CNOT2: variants seen among roughly 807,000 people sequenced by gnomAD.
CNOT2 encodes the protein CC chemokine receptor 4-negative regulator of transcription 2.
In CNOT2, 7 loss-of-function variants were observed where a neutral mutation model predicts 72.1. The observed-to-expected ratio is 0.10, with a 90% confidence interval of 0.06 to 0.18. The LOEUF is 0.18. Among genes scored for constraint, CNOT2 ranks in the 10% least tolerant of loss-of-function variants. The pLI is 1.00. For missense variants in CNOT2, 345 were observed against 660.3 expected, an observed-to-expected ratio of 0.52 and a Z score of 5.23; for synonymous variants, 196 against 225.6, an observed-to-expected ratio of 0.87 and a Z score of 1.17.
chr12:70,309,221 C>T (rs1467892969), intron 2 of CNOT2, among the ~76,000 whole-genome samples: 1 of 151,780 alleles, frequency 6.6e-6, no homozygotes, highest in Non-Finnish European at 1.5e-5. Context: ...GTCTGTTTCC[C>T]AAAAAAAGAT....
chr12:70,298,535 G>A (rs376900098), intron 2 of CNOT2, among the ~76,000 whole-genome samples: 14 of 152,140 alleles, frequency 9.2e-5, no homozygotes, highest in African/African-American at 2.2e-4. Flanking sequence ...ACTTTCTAGC[G>A]TTATCTTGAT....
intron 9 of CNOT2, chr12:70,338,102 T>C (rs1880944779): frequency 9.5e-6 from 2 of 211,212 alleles, no homozygotes; most frequent in Admixed American, 1.1e-4. Context: ...AGTTTCTCTT[T>C]TACATGAAAG....
chr12:70,287,169 T>A (rs1436070568), intron 2 of CNOT2, among the ~76,000 whole-genome samples: 1 of 151,394 alleles, frequency 6.6e-6, no homozygotes, highest in African/African-American at 2.4e-5. Context: ...TTTATAGATA[T>A]ACTTTATCAG....
At position 70,354,120 on chromosome 12, in the gene CNOT2, T is replaced by C; in HGVS notation, c.*205T>C. On this transcript the variant is annotated 3_prime_UTR_variant, in exon 16 of 16. Transcript: ENST00000229195. ...GCTGCCCAACAACTAAATTTGTAAT[T>C]TGTTTTTCTCTAGTTTGAGCAGGGT... 1 of 1,011,060 alleles carries C rather than the reference T, an allele frequency of 9.9e-7. No individual in the cohort carries two copies. Among genetic ancestry groups the C allele is most frequent in the Non-Finnish European group, 1.3e-6 (1 of 760,832 alleles). The allele number at this position is 1,011,060 out of a possible 1,614,324, so 62.6% of individuals were successfully genotyped here. A position where few individuals can be genotyped will look rare whatever the true frequency, so the allele number is the denominator to read the frequency against.
intron 4 of CNOT2, among the ~76,000 whole-genome samples, chr12:70,328,757 C>T (rs564997614): frequency 1.3e-5 from 2 of 150,848 alleles, no homozygotes; most frequent in African/African-American, 4.8e-5. Context: ...AGTCCATCCC[C>T]ACACCTGGCT....
At chr12:70,261,834 A>ATT (rs768517174) in intron 1 of CNOT2, among the ~76,000 whole-genome samples, 12 of 139,166 alleles carry the variant, frequency 8.6e-5, no homozygotes, top group African/African-American at 1.6e-4. Flanking sequence ...TGGGCCTGAG[A>ATT]TTTTTTTTTT....
chr12:70,281,527 A>G (rs990691321), intron 2 of CNOT2, among the ~76,000 whole-genome samples: 3 of 152,180 alleles, frequency 2.0e-5, no homozygotes, highest in Non-Finnish European at 4.4e-5. Flanking sequence ...TAATAATACA[A>G]CACTGCTTTT....
At chr12:70,247,055 G>T (rs1330652691) in intron 1 of CNOT2, among the ~76,000 whole-genome samples, 2 of 152,032 alleles carry the variant, frequency 1.3e-5, no homozygotes, top group Non-Finnish European at 2.9e-5. Flanking sequence ...CCTTTTCTGG[G>T]CACTTCAGGG....
At chr12:70,294,022 G>A in intron 2 of CNOT2, 1 of 886,938 alleles carries the variant, frequency 1.1e-6, no homozygotes, top group Non-Finnish European at 1.6e-6. Flanking sequence ...TCATAATGTT[G>A]AAACTGGACA....
chr12:70,303,839 C>T (rs948837248), intron 2 of CNOT2, among the ~76,000 whole-genome samples: 9 of 152,220 alleles, frequency 5.9e-5, no homozygotes, highest in Non-Finnish European at 8.8e-5. Context: ...TTCTCCCCGT[C>T]ACTTTCAGGT....
chr12:70,321,037 A>G (rs1458132486), intron 4 of CNOT2, among the ~76,000 whole-genome samples: 2 of 151,880 alleles, frequency 1.3e-5, no homozygotes, highest in Non-Finnish European at 2.9e-5. Context: ...TTTTCATTAG[A>G]AAAAGAATTT....
At position 70,338,547 on chromosome 12, in the gene CNOT2, C is replaced by T; in HGVS notation, c.1005C>T (p.Ile335=). Residue 335 remains isoleucine (I), a synonymous_variant, in exon 10 of 16, where the codon ATC becomes ATT. Coordinates refer to ENST00000229195, the MANE Select transcript of CNOT2 (RefSeq NM_014515.7). ...TQNNNQQKKG[I]QVLPDGRVTN... The stretch of plus-strand genomic sequence containing the variant: ...ATAATAACCAGCAGAAAAAAGGGAT[C>T]CAGGTGTTACCTGATGGTGGGACTC... The T allele has an allele frequency of 6.2e-7, 1 of 1,610,784 alleles. No homozygotes were observed. The highest frequency in any genetic ancestry group is 8.5e-7 in the Non-Finnish European group (1 of 1,178,918).
At chr12:70,298,160 G>A (rs1873153788) in intron 2 of CNOT2, among the ~76,000 whole-genome samples, 1 of 152,192 alleles carries the variant, frequency 6.6e-6, no homozygotes. Flanking sequence ...TGTCTCACAT[G>A]TCTATAATCA....
intron 2 of CNOT2, among the ~76,000 whole-genome samples, chr12:70,303,701 T>C (rs561958673): frequency 6.6e-6 from 1 of 152,274 alleles, no homozygotes; most frequent in Non-Finnish European, 1.5e-5. Context: ...TGTCTTGGCG[T>C]TGCTCTTCTC....
chr12:70,274,826 A>C (rs1216735350), intron 1 of CNOT2, among the ~76,000 whole-genome samples: 1 of 152,044 alleles, frequency 6.6e-6, no homozygotes, highest in East Asian at 1.9e-4. Flanking sequence ...GCAAAAATGC[A>C]CTTAAGATTC....
intron 2 of CNOT2, among the ~76,000 whole-genome samples, chr12:70,286,508 ACCT>A (rs1417796282): frequency 6.7e-6 from 1 of 149,642 alleles, no homozygotes; most frequent in Non-Finnish European, 1.5e-5. Context: ...ATTTATTCTA[ACCT>A]CCTTAACTAT....
At chr12:70,343,048 C>T (rs1198392702) in intron 13 of CNOT2, among the ~76,000 whole-genome samples, 1 of 152,090 alleles carries the variant, frequency 6.6e-6, no homozygotes, top group Non-Finnish European at 1.5e-5. Flanking sequence ...TCAATGTCTT[C>T]TAATACTTGA....
chr12:70,320,258 A>G (rs1878069426), intron 4 of CNOT2, among the ~76,000 whole-genome samples: 1 of 151,738 alleles, frequency 6.6e-6, no homozygotes, highest in Non-Finnish European at 1.5e-5. Context: ...GTAAAAATCA[A>G]TAATTTGATT....
At chr12:70,304,361 G>C (rs999342663) in intron 2 of CNOT2, among the ~76,000 whole-genome samples, 1 of 152,168 alleles carries the variant, frequency 6.6e-6, no homozygotes, top group Non-Finnish European at 1.5e-5. Flanking sequence ...TGATGATGGT[G>C]ACGTACAGGT....
Sources: gnomAD v4.1 joint callset for allele counts (sites outside exome capture counted in the v4.1 genomes callset) on GRCh38, gnomAD v4.1.1 for gene constraint, MANE v1.5 for transcripts, NCBI Gene and HGNC (gene_info 2026-07-23, HGNC 2026-07-21) for gene names.